Variants in TBC1D10C observed in about 807,000 individuals in gnomAD.
TBC1D10C encodes the protein carabin.
In TBC1D10C, 49 loss-of-function variants were observed where a neutral mutation model predicts 51.0. That is an observed-to-expected ratio of 0.96 (90% CI 0.76 to 1.22). The LOEUF (loss-of-function observed/expected upper bound fraction) is 1.22. TBC1D10C is among the 50% of genes most tolerant of loss of function. The probability of loss-of-function intolerance (pLI) is 0.00; values close to 1 mark genes in which losing one functional copy is unlikely to be tolerated. For synonymous variants in TBC1D10C, 281 were observed against 266.7 expected (o/e 1.05, Z -0.52); for missense variants, 541 against 617.5 (o/e 0.88, Z 1.31).
Position 67,405,591 on chromosome 11 carries a change from A to C in TBC1D10C, c.361-4A>C, listed in dbSNP as rs1022182689. ...CTCACACCCACCTTCCTGGCTACCC[A>C]CAGGAGCTGGCAGAGGCCCCTGGAG... On this transcript the variant is annotated splice_polypyrimidine_tract_variant and splice_region_variant and intron_variant, in intron 3 of 8. Transcript: ENST00000542590. 1.9e-6 allele frequency: 3 copies of C among 1,613,888 alleles called. No homozygotes were observed. The highest frequency in any genetic ancestry group is 2.2e-5 in the South Asian group (2 of 91,084).
At position 67,409,025 on chromosome 11, in the gene TBC1D10C, G is replaced by A. The variant is rs772927391; in HGVS notation, c.885G>A (p.Ala295=). 6.8e-5 allele frequency: 107 copies of A among 1,578,926 alleles called. No homozygotes were observed. The East Asian group carries it at 1.5e-3, about 22-fold the overall frequency. The change falls in exon 8 of 9, where the codon GCG becomes GCA. Residue 295 remains alanine (A), a synonymous_variant. Coordinates refer to ENST00000542590, the MANE Select transcript of TBC1D10C (RefSeq NM_001369496.1). The part of the protein sequence containing the change: ...FRVGLTLVRL[A]LGTAEQRGAC... ...TGGGGCTGACACTGGTGCGCCTGGC[G>A]CTGGGCACTGCAGAGCAGCGAGGGG...
chr11:67,404,824 C>G, intron 1 of TBC1D10C: 1 of 476,206 alleles, frequency 2.1e-6, no homozygotes, highest in Non-Finnish European at 3.8e-6. Context: ...GTGTCCCTGT[C>G]CTGGGTGACA....
intron 1 of TBC1D10C, 97 bp downstream of exon 1, chr11:67,404,451 G>T: frequency 3.8e-6 from 5 of 1,307,364 alleles, no homozygotes; most frequent in Non-Finnish European, 5.1e-6. Context: ...CTGGTGGTAG[G>T]GATTGGGAGG....
At position 67,406,034 on chromosome 11, in the gene TBC1D10C, C is replaced by T; in HGVS notation, c.582+17C>T. The T allele has an allele frequency of 1.3e-6, 2 of 1,538,108 alleles. No homozygotes were observed. The highest frequency in any genetic ancestry group is 1.2e-5 in the South Asian group (1 of 82,026). On this transcript the variant is annotated intron_variant, in intron 5 of 8. Coordinates refer to ENST00000542590, the MANE Select transcript of TBC1D10C (RefSeq NM_001369496.1). Reference sequence around the variant, plus strand: ...CCCCCAGAGGTGAGTGACCTTGACCCTGCTCTGGGAACCCTAGTGACCTAG... The same window carrying T: ...CCCCCAGAGGTGAGTGACCTTGACCTTGCTCTGGGAACCCTAGTGACCTAG...
chr11:67,405,618 C>T lies in TBC1D10C; in HGVS notation c.384C>T (p.Asp128=). The T allele has an allele frequency of 6.2e-7, 1 of 1,613,932 alleles. No homozygotes were observed. Among genetic ancestry groups the T allele is most frequent in the Non-Finnish European group, 8.5e-7 (1 of 1,180,004 alleles). The part of the protein sequence containing the change: ...TYQELAEAPG[D]PQWMETIGRD... ...AGGAGCTGGCAGAGGCCCCTGGAGACCCACAGTGGATGGAGACCATTGGCA... is the reference window on the plus strand; with the variant it reads ...AGGAGCTGGCAGAGGCCCCTGGAGATCCACAGTGGATGGAGACCATTGGCA... Residue 128 remains aspartate, a synonymous_variant, in exon 4 of 9, where the codon GAC becomes GAT. Transcript: ENST00000542590.
At chr11:67,405,862 G>C in intron 4 of TBC1D10C, 41 bp from the exon 5 acceptor site, 1 of 1,553,762 alleles carries the variant, frequency 6.4e-7, no homozygotes, top group Non-Finnish European at 8.7e-7. Flanking sequence ...GGAGAAGGGG[G>C]TGCCTGCAGG....
chr11:67,406,685 C>T lies in TBC1D10C; in HGVS notation c.641C>T (p.Pro214Leu). The T allele has an allele frequency of 6.3e-7, 1 of 1,577,234 alleles. No individual in the cohort carries two copies. The highest frequency in any genetic ancestry group is 2.3e-5 in the East Asian group (1 of 42,786). ...GTCTACCTCCCTGGGTACTACGGGCCCCACATGGTGAGAGGCTGACATGGG... is the reference window on the plus strand; with the variant it reads ...GTCTACCTCCCTGGGTACTACGGGCTCCACATGGTGAGAGGCTGACATGGG... ...CEVYLPGYYGPHMEAVRLDAE... is the reference protein window; with the variant it reads ...CEVYLPGYYGLHMEAVRLDAE... The change falls in exon 6 of 9, where the codon CCC (proline) becomes CTC (leucine). Residue 214 changes from proline to leucine, a missense_variant. Physicochemically the swap from Pro to Leu is moderately conservative, Grantham distance 98 (BLOSUM62 -3). Coordinates refer to ENST00000542590, the MANE Select transcript of TBC1D10C (RefSeq NM_001369496.1).
intron 2 of TBC1D10C, 75 bp downstream of exon 2, chr11:67,405,259 T>C: frequency 6.6e-7 from 1 of 1,512,902 alleles, no homozygotes; most frequent in Non-Finnish European, 8.9e-7. Flanking sequence ...TGGCAAAATG[T>C]ACCCACCCTG....
At position 67,406,938 on chromosome 11, in the gene TBC1D10C, G is replaced by C. The variant is rs772060883; in HGVS notation, c.760G>C (p.Glu254Gln). 1.2e-5 allele frequency: 19 copies of C among 1,613,126 alleles called. No homozygotes were observed. In the East Asian group the frequency reaches 4.0e-4, roughly 34 times the overall value. ...CGTCGGACCCCTGCTGTACCTGCCC[G>C]AGTGGTTCCTGTGCCTCTTCGCCCG... is the stretch of plus-strand genomic sequence containing the variant. Reference protein sequence around the residue: ...VGVGPLLYLPEWFLCLFARSL... With the variant: ...VGVGPLLYLPQWFLCLFARSL... Residue 254 changes from glutamate (E) to glutamine (Q), a missense_variant, in exon 7 of 9, where the codon GAG becomes CAG. Glu to Gln is a conservative substitution (Grantham distance 29). Coordinates refer to ENST00000542590, the MANE Select transcript of TBC1D10C (RefSeq NM_001369496.1).
At chr11:67,408,803 T>TG in intron 7 of TBC1D10C, 176 bp from the exon 8 acceptor site, 1 of 729,626 alleles carries the variant, frequency 1.4e-6, no homozygotes, top group Non-Finnish European at 2.0e-6. Context: ...GAGGCTAACT[T>TG]GGCCAGTACA....
Position 67,404,177 on chromosome 11 carries a change from C to T in TBC1D10C, c.-26C>T. On this transcript the variant is annotated 5_prime_UTR_variant, in exon 1 of 9. Coordinates refer to ENST00000542590, the MANE Select transcript of TBC1D10C (RefSeq NM_001369496.1). ...CACTGGTTCTCCCCACTTTCTCTGC[C>T]TGTGGCATCGAAGGCCCCGGGCACC... is the stretch of plus-strand genomic sequence containing the variant. 1 of 1,487,300 alleles carries T rather than the reference C, an allele frequency of 6.7e-7. No individual in the cohort carries two copies. The highest frequency in any genetic ancestry group is 1.3e-5 in the South Asian group (1 of 77,826). 92.1% of individuals were successfully genotyped at this position (1,487,300 alleles called of 1,614,324 possible).
Position 67,405,437 on chromosome 11 carries a change from G to A in TBC1D10C, c.291G>A (p.Leu97=). ...MQCRKGIPSA[L]RARCWPLLCG... ...GCCGGAAAGGCATCCCGTCTGCCCT[G>A]CGCGCCCGATGCTGGCCCCTGTTGT... The change falls in exon 3 of 9, where the codon CTG becomes CTA. Residue 97 remains leucine (L), a synonymous_variant. Coordinates refer to ENST00000542590, the MANE Select transcript of TBC1D10C (RefSeq NM_001369496.1). 6.2e-7 allele frequency: 1 copy of A among 1,613,604 alleles called. No homozygotes were observed. The highest frequency in any genetic ancestry group is 8.5e-7 in the Non-Finnish European group (1 of 1,179,976).
intron 1 of TBC1D10C, 90 bp downstream of exon 1, chr11:67,404,444 G>C: frequency 7.2e-7 from 1 of 1,381,900 alleles, no homozygotes; most frequent in South Asian, 1.4e-5. Context: ...GGAGGGTCTG[G>C]TGGTAGGGAT....
At chr11:67,406,584 C>T (rs1360211889) in intron 5 of TBC1D10C, 43 bp from the exon 6 acceptor site, 9 of 1,525,162 alleles carry the variant, frequency 5.9e-6, no homozygotes, top group Non-Finnish European at 8.0e-6. Context: ...ACGGTCCCTT[C>T]CTTGGTGAGC....
chr11:67,406,452 A>T, intron 5 of TBC1D10C, 175 bp from the exon 6 acceptor site: 1 of 620,154 alleles, frequency 1.6e-6, no homozygotes, highest in Non-Finnish European at 2.9e-6. Context: ...TCTTGGGCAG[A>T]GGAGGGGGCT....
rs768267598 is a variant in TBC1D10C, at chr11:67,406,656, T to C, written c.612T>C (p.Cys204=). ...CCTTCTGGTGCCTGGTGCAGATCTG[T>C]GAGGTCTACCTCCCTGGGTACTACG... ...EEAFWCLVQI[C]EVYLPGYYGP... is the part of the protein sequence containing the mutation. Residue 204 remains cysteine, a synonymous_variant, in exon 6 of 9, where the codon TGT becomes TGC. Coordinates refer to ENST00000542590, the MANE Select transcript of TBC1D10C (RefSeq NM_001369496.1). 2.0e-5 allele frequency: 31 copies of C among 1,576,458 alleles called. No individual in the cohort carries two copies. The highest frequency in any genetic ancestry group is 3.3e-4 in the Middle Eastern group (2 of 6,030).
intron 2 of TBC1D10C, 88 bp downstream of exon 2, chr11:67,405,272 T>A: frequency 6.7e-6 from 10 of 1,495,028 alleles, no homozygotes; most frequent in Middle Eastern, 3.5e-4. Context: ...CCACCCTGTG[T>A]CCCAGCACCT....
Position 67,409,998 on chromosome 11 carries a change from AG to A in TBC1D10C, c.*245del, listed in dbSNP as rs1303229968. The A allele has an allele frequency of 4.1e-6, 2 of 493,172 alleles. No individual in the cohort carries two copies. The highest frequency in any genetic ancestry group is 4.1e-5 in the African/African-American group (2 of 48,826). The allele number at this position is 493,172 out of a possible 1,614,324, so 30.5% of individuals were successfully genotyped here. ...CCGTCCTGGTGCCCAGGCCCTCACA[AG>A]TACCAAAGCCAGCACCAAAGGAGTC... On this transcript the variant is annotated 3_prime_UTR_variant, in exon 9 of 9. Transcript: ENST00000542590.
intron 3 of TBC1D10C, 38 bp from the exon 4 acceptor site, chr11:67,405,557 C>T: frequency 6.2e-7 from 1 of 1,613,722 alleles, no homozygotes; most frequent in South Asian, 1.1e-5. Flanking sequence ...CCCCTCACCA[C>T]ACTGAACCCT....
Sources: gnomAD v4.1 joint callset for allele counts on GRCh38, gnomAD v4.1.1 for gene constraint, MANE v1.5 for transcripts, NCBI Gene and HGNC (gene_info 2026-07-23, HGNC 2026-07-21) for gene names.